The following TOX variants were observed in gnomAD, a reference collection of about 807,000 sequenced individuals.
The protein encoded by TOX is thymocyte selection associated high mobility group box.
A neutral mutation model predicts 53.7 loss-of-function variants in TOX; 11 were observed. That is an observed-to-expected ratio of 0.20 (90% CI 0.13 to 0.34). The LOEUF is 0.34. Among genes scored for constraint, TOX ranks in the 10% least tolerant of loss-of-function variants. The probability of loss-of-function intolerance (pLI) is 1.00; values close to 1 mark genes in which losing one functional copy is unlikely to be tolerated. For synonymous variants in TOX, 225 were observed against 245.3 expected (o/e 0.92, Z 0.77); for missense variants, 570 against 664.6 (o/e 0.86, Z 1.56).
chr8:59,009,069 T>G (rs1813847667), intron 1 of TOX, among the ~76,000 whole-genome samples: 1 of 151,908 alleles, frequency 6.6e-6, no homozygotes, highest in Non-Finnish European at 1.5e-5. Flanking sequence ...TTTCTTCCTT[T>G]CCTGTTTCCT....
chr8:58,842,183 A>G (rs1810655718), intron 4 of TOX, among the ~76,000 whole-genome samples: 1 of 152,178 alleles, frequency 6.6e-6, no homozygotes, highest in Non-Finnish European at 1.5e-5. Flanking sequence ...GGTGGTTTCC[A>G]GAGGAGACTG....
chr8:58,836,513 C>G (rs532744650), intron 5 of TOX, among the ~76,000 whole-genome samples: 1 of 152,210 alleles, frequency 6.6e-6, no homozygotes, highest in South Asian at 2.1e-4. Context: ...TTAAAGAAAA[C>G]TCTTGCAACA....
chr8:58,862,110 T>C (rs886286169), intron 3 of TOX, among the ~76,000 whole-genome samples: 6 of 152,240 alleles, frequency 3.9e-5, no homozygotes. Flanking sequence ...TAATACATTA[T>C]AAAACATTAA....
intron 1 of TOX, among the ~76,000 whole-genome samples, chr8:59,022,428 C>T (rs539628568): frequency 6.6e-6 from 1 of 152,086 alleles, no homozygotes; most frequent in Admixed American, 6.6e-5. Context: ...CTTTCTAGAC[C>T]CCATTTACAA....
intron 1 of TOX, among the ~76,000 whole-genome samples, chr8:59,063,391 T>G (rs1804025194): frequency 1.3e-5 from 2 of 151,700 alleles, no homozygotes. Context: ...GGCCAGAGAG[T>G]TCTAACGATG....
chr8:59,075,355 T>C (rs2129422846), intron 1 of TOX, among the ~76,000 whole-genome samples: 1 of 152,268 alleles, frequency 6.6e-6, no homozygotes, highest in East Asian at 1.9e-4. Context: ...AAGCAGGTCA[T>C]GAGACCCTCA....
intron 1 of TOX, among the ~76,000 whole-genome samples, chr8:58,978,128 T>C (rs895210278): frequency 7.2e-5 from 11 of 152,090 alleles, no homozygotes; most frequent in African/African-American, 2.7e-4. Flanking sequence ...ACATTATGAG[T>C]TTTATTTTTT....
chr8:58,896,841 C>T (rs533439077), intron 3 of TOX, among the ~76,000 whole-genome samples: 1 of 152,334 alleles, frequency 6.6e-6, no homozygotes, highest in South Asian at 2.1e-4. Context: ...TATTTAGTTA[C>T]TCACTCTTCT....
intron 5 of TOX, among the ~76,000 whole-genome samples, chr8:58,836,164 C>A (rs1810542397): frequency 1.3e-5 from 2 of 152,052 alleles, no homozygotes; most frequent in Admixed American, 1.3e-4. Flanking sequence ...ATGGGTGGAG[C>A]AGGGAGGCAT....
At chr8:58,880,501 T>G (rs1281486857) in intron 3 of TOX, among the ~76,000 whole-genome samples, 1 of 152,200 alleles carries the variant, frequency 6.6e-6, no homozygotes, top group Non-Finnish European at 1.5e-5. Flanking sequence ...GAGGGAATAA[T>G]CATGAGAGAC....
chr8:58,809,409 A>T (rs533521530), intron 7 of TOX, among the ~76,000 whole-genome samples: 1 of 152,318 alleles, frequency 6.6e-6, no homozygotes, highest in Admixed American at 6.5e-5. Flanking sequence ...TCGTGTAAAG[A>T]CTCGAAGGCA....
At chr8:58,868,423 C>T (rs1419543817) in intron 3 of TOX, among the ~76,000 whole-genome samples, 1 of 152,120 alleles carries the variant, frequency 6.6e-6, no homozygotes, top group Non-Finnish European at 1.5e-5. Context: ...AAAGTTATCT[C>T]TTTCAAGTCC....
At chr8:58,901,011 T>A (rs924639535) in intron 3 of TOX, among the ~76,000 whole-genome samples, 11 of 152,112 alleles carry the variant, frequency 7.2e-5, no homozygotes, top group African/African-American at 2.7e-4. Context: ...TTGGACAGCA[T>A]CAGTCAAATT....
chr8:58,952,809 T>C (rs1311415172), intron 2 of TOX, among the ~76,000 whole-genome samples: 3 of 152,212 alleles, frequency 2.0e-5, no homozygotes, highest in South Asian at 2.1e-4. Context: ...CAGAAACAAA[T>C]AAAAAATGAA....
At chr8:59,017,269 TAAA>T (rs1814032462) in intron 1 of TOX, among the ~76,000 whole-genome samples, 1 of 152,260 alleles carries the variant, frequency 6.6e-6, no homozygotes, top group African/African-American at 2.4e-5. Context: ...ATTCTATATG[TAAA>T]TGAAATTTGG....
At chr8:59,059,771 T>C (rs1243941715) in intron 1 of TOX, among the ~76,000 whole-genome samples, 1 of 152,192 alleles carries the variant, frequency 6.6e-6, no homozygotes, top group Non-Finnish European at 1.5e-5. Context: ...AGCACATATT[T>C]AGTGCTGCTT....
In TOX at chr8:59,118,501, G is replaced by A. The variant is rs1805148490; in HGVS notation, c.102+385C>T. On this transcript the variant is annotated intron_variant, in intron 1 of 8. Transcript: ENST00000361421. This position sits in a 1 kb window ranked among gnomAD's most constrained non-coding sequence, Gnocchi z 4.1. ...CCCGGGGAGGGAGGGAGAGAGAAGGGGGAACTGGGAAATAAACTGAATTCT... is the reference window on the plus strand; with the variant it reads ...CCCGGGGAGGGAGGGAGAGAGAAGGAGGAACTGGGAAATAAACTGAATTCT... Among the ~76,000 whole-genome samples, 1 of 152,120 alleles carries A rather than the reference G, an allele frequency of 6.6e-6. No individual in the cohort carries two copies. Among genetic ancestry groups the A allele is most frequent in the Non-Finnish European group, 1.5e-5 (1 of 68,020 alleles).
At chr8:58,850,309 C>A (rs1046399940) in intron 4 of TOX, among the ~76,000 whole-genome samples, 1 of 152,168 alleles carries the variant, frequency 6.6e-6, no homozygotes, top group Admixed American at 6.5e-5. Flanking sequence ...ACAGGGCCAC[C>A]TAGGGAAGTA....
intron 2 of TOX, among the ~76,000 whole-genome samples, chr8:58,951,858 A>T (rs965459763): frequency 1.3e-5 from 2 of 152,228 alleles, no homozygotes; most frequent in African/African-American, 4.8e-5. Context: ...ACAGCAAAGG[A>T]TGTAGGGAGA....
Sources: gnomAD v4.1 joint callset for allele counts (sites outside exome capture counted in the v4.1 genomes callset) on GRCh38, gnomAD v4.1.1 for gene constraint, Gnocchi (gnomAD v3.1) non-coding constraint, MANE v1.5 for transcripts, NCBI Gene and HGNC (gene_info 2026-07-23, HGNC 2026-07-21) for gene names.